TAF3: variants seen among roughly 807,000 people sequenced by gnomAD.
TAF3 encodes the protein TATA-box binding protein associated factor 3.
A neutral mutation model predicts 80.6 loss-of-function variants in TAF3; 7 were observed. That is an observed-to-expected ratio of 0.09 (90% CI 0.05 to 0.16). The LOEUF (loss-of-function observed/expected upper bound fraction) is 0.16. Among genes scored for constraint, TAF3 ranks in the 10% least tolerant of loss-of-function variants. TAF3 has a pLI of 1.00. For synonymous variants in TAF3, 444 were observed against 446.1 expected (o/e 1.00, Z 0.06); for missense variants, 921 against 1,140.2 (o/e 0.81, Z 2.77).
At chr10:7,897,520 T>C (rs1837515985) in intron 2 of TAF3, among the ~76,000 whole-genome samples, 1 of 152,196 alleles carries the variant, frequency 6.6e-6, no homozygotes, top group Non-Finnish European at 1.5e-5. Flanking sequence ...TCATGCGTGT[T>C]TTGTTTTTTT....
intron 4 of TAF3, among the ~76,000 whole-genome samples, chr10:7,999,867 C>T (rs531249598): frequency 4.6e-5 from 7 of 152,250 alleles, no homozygotes; most frequent in South Asian, 2.1e-4. Context: ...TCAACTTAGA[C>T]GCACTCGATT....
intron 3 of TAF3, among the ~76,000 whole-genome samples, chr10:7,970,807 T>G (rs891759794): frequency 6.6e-6 from 1 of 152,362 alleles, no homozygotes; most frequent in East Asian, 1.9e-4. Context: ...CGGTTTGTTC[T>G]TTAGAGAATG....
chr10:7,893,290 G>C (rs554487130), intron 2 of TAF3, among the ~76,000 whole-genome samples: 1 of 152,158 alleles, frequency 6.6e-6, no homozygotes, highest in East Asian at 1.9e-4. Context: ...TTAATAATCA[G>C]TTACTAATGA....
chr10:8,004,672 ATTG>A (rs1238311215), intron 4 of TAF3, among the ~76,000 whole-genome samples: 2 of 152,082 alleles, frequency 1.3e-5, no homozygotes, highest in African/African-American at 4.8e-5. Context: ...TTTGAGAGGA[ATTG>A]TTCTTTTTTC....
At chr10:7,894,236 A>G (rs1182437608) in intron 2 of TAF3, among the ~76,000 whole-genome samples, 2 of 152,200 alleles carry the variant, frequency 1.3e-5, no homozygotes, top group African/African-American at 4.8e-5. Context: ...CCCCTAAGCA[A>G]TACAAATTCT....
In TAF3 at chr10:7,934,216, G is replaced by A. The variant is rs914608; in HGVS notation, c.410-29704G>A. 2.7e-3 allele frequency among the ~76,000 whole-genome samples: 418 copies of A among 152,200 alleles called. 1 individual carries two copies. Among genetic ancestry groups the A allele is most frequent in the African/African-American group, 9.2e-3 (380 of 41,526 alleles). On this transcript the variant is annotated intron_variant, in intron 2 of 6. Transcript: ENST00000344293. ...CTTTTTTTTAAATGTATGGATGAGCGATCTATTAAGAAAATCTAAGTAAGT... is the reference window on the plus strand; with the variant it reads ...CTTTTTTTTAAATGTATGGATGAGCAATCTATTAAGAAAATCTAAGTAAGT...
intron 4 of TAF3, among the ~76,000 whole-genome samples, chr10:7,986,438 CA>C (rs1425774475): frequency 6.6e-6 from 1 of 152,104 alleles, no homozygotes; most frequent in Non-Finnish European, 1.5e-5. Flanking sequence ...ATTTTCAAGC[CA>C]TTTTGGGCAT....
At chr10:7,996,342 C>G (rs1181594950) in intron 4 of TAF3, among the ~76,000 whole-genome samples, 1 of 152,148 alleles carries the variant, frequency 6.6e-6, no homozygotes, top group East Asian at 1.9e-4. Context: ...AGCTGGCTGT[C>G]CCCATAGAAG....
intron 2 of TAF3, among the ~76,000 whole-genome samples, chr10:7,934,997 C>A (rs901518479): frequency 6.6e-6 from 1 of 152,066 alleles, no homozygotes; most frequent in Non-Finnish European, 1.5e-5. Flanking sequence ...TAAGAAGAGG[C>A]TGGGCACAGT....
chr10:7,834,763 G>A (rs974568352), intron 2 of TAF3, among the ~76,000 whole-genome samples: 6 of 152,008 alleles, frequency 3.9e-5, no homozygotes, highest in Admixed American at 1.3e-4. Context: ...CAGATTACAC[G>A]TACAATATTG....
chr10:7,970,912 C>T (rs1176728401), intron 3 of TAF3, among the ~76,000 whole-genome samples: 1 of 152,122 alleles, frequency 6.6e-6, no homozygotes, highest in Non-Finnish European at 1.5e-5. Flanking sequence ...AGTCTTTTCT[C>T]ATCAGCTATT....
In TAF3 at chr10:8,009,612, G is replaced by GTTTCTTTTTT. The variant is rs944072984; in HGVS notation, c.2568+296_2568+305dup. ...TGAGCCACTGCCCCTGGCCAGACAC[G>GTTTCTTTTTT]TTTCTTTTTTTTTCTTTTTTTTTTT... is the stretch of plus-strand genomic sequence containing the variant. On this transcript the variant is annotated intron_variant, in intron 5 of 6. Transcript: ENST00000344293. The surrounding 1 kb of genome is among the most constrained non-coding windows in gnomAD (Gnocchi z 4.1). 2.0e-5 allele frequency among the ~76,000 whole-genome samples: 3 copies of GTTTCTTTTTT among 150,634 alleles called. No individual in the cohort carries two copies. Among genetic ancestry groups the GTTTCTTTTTT allele is most frequent in the South Asian group, 2.1e-4 (1 of 4,760 alleles).
At chr10:7,898,222 T>C (rs1361927929) in intron 2 of TAF3, among the ~76,000 whole-genome samples, 1 of 152,110 alleles carries the variant, frequency 6.6e-6, no homozygotes, top group East Asian at 1.9e-4. Flanking sequence ...GTTCCCAAAA[T>C]TGACACAGGG....
chr10:7,937,232 T>A (rs189291920), intron 2 of TAF3, among the ~76,000 whole-genome samples: 2 of 152,128 alleles, frequency 1.3e-5, no homozygotes, highest in East Asian at 3.9e-4. Context: ...ATGGTAAGAG[T>A]ATGTTTAGTT....
At chr10:7,859,636 A>G (rs1837123800) in intron 2 of TAF3, among the ~76,000 whole-genome samples, 5 of 152,208 alleles carry the variant, frequency 3.3e-5, no homozygotes, top group Admixed American at 2.6e-4. Context: ...AAGTGAGGGA[A>G]CAGGATACGG....
chr10:7,945,801 T>C (rs1838019012), intron 2 of TAF3, among the ~76,000 whole-genome samples: 1 of 152,208 alleles, frequency 6.6e-6, no homozygotes, highest in South Asian at 2.1e-4. Flanking sequence ...TCGCCCTTTT[T>C]CTCTCCACAC....
At chr10:7,959,323 A>G (rs1008929840) in intron 2 of TAF3, among the ~76,000 whole-genome samples, 2 of 152,240 alleles carry the variant, frequency 1.3e-5, no homozygotes, top group Non-Finnish European at 2.9e-5. Flanking sequence ...AAAAAAATCT[A>G]TTTTAAAACG....
At chr10:7,836,820 C>T (rs370414931) in intron 2 of TAF3, among the ~76,000 whole-genome samples, 1 of 152,342 alleles carries the variant, frequency 6.6e-6, no homozygotes, top group African/African-American at 2.4e-5. Context: ...CTAAACGAAA[C>T]TATTAGACAA....
intron 4 of TAF3, among the ~76,000 whole-genome samples, chr10:7,988,444 C>A (rs893645816): frequency 6.6e-6 from 1 of 151,444 alleles, no homozygotes; most frequent in Non-Finnish European, 1.5e-5. Context: ...ACAGAAATTA[C>A]ACCTGTTATC....
Sources: allele counts gnomAD v4.1 joint callset (sites outside exome capture counted in the v4.1 genomes callset), GRCh38; gene constraint gnomAD v4.1.1; non-coding constraint Gnocchi (gnomAD v3.1); transcripts MANE v1.5; gene names NCBI Gene and HGNC (gene_info 2026-07-23, HGNC 2026-07-21).